RHOBTB1: variants seen among roughly 807,000 people sequenced by gnomAD.
RHOBTB1 encodes rho-related BTB domain-containing protein 1.
Under a neutral mutation model 71.6 loss-of-function variants are expected in RHOBTB1, and 40 were observed. That is an observed-to-expected ratio of 0.56 (90% confidence interval 0.43 to 0.73). The LOEUF (loss-of-function observed/expected upper bound fraction) is 0.73. Ranked by LOEUF, RHOBTB1 falls within the 30% of genes least tolerant of loss-of-function variation. RHOBTB1 has a pLI of 0.00. For synonymous variants in RHOBTB1, 319 were observed against 334.9 expected (o/e 0.95, Z 0.52); for missense variants, 797 against 894.0 (o/e 0.89, Z 1.38).
Position 60,871,516 on chromosome 10 carries a change from C to T in RHOBTB1, c.2057G>A (p.Trp686Ter), listed in dbSNP as rs2080777283. ...ALNKHRSRRK[W>*]CFWNSSPAVA is the part of the protein sequence containing the mutation. ...TGCTGGAGATGAATTCCAGAAGCAC[C>T]ACTTTCGTCTTGAGCGATGCTTATT... Residue 686 changes from tryptophan (W) to a stop codon, truncating the protein, a stop_gained, in exon 11 of 11, where the codon TGG becomes TAG. Transcript: ENST00000337910. LOFTEE classifies it high-confidence loss of function. 1 of 1,613,904 alleles carries T rather than the reference C, an allele frequency of 6.2e-7. No homozygotes were observed. The highest frequency in any genetic ancestry group is 8.5e-7 in the Non-Finnish European group (1 of 1,179,948).
At chr10:60,864,403 T>C in the RHOBTB1 span, among the ~76,000 whole-genome samples, 8 of 152,184 alleles carry the variant, frequency 5.3e-5, no homozygotes, top group Non-Finnish European at 1.2e-4. Flanking sequence ...ACTTACAGCA[T>C]TGATCCATCC....
intron 1 of RHOBTB1, among the ~76,000 whole-genome samples, chr10:60,992,683 C>T (rs931755070): frequency 1.3e-5 from 2 of 152,140 alleles, no homozygotes; most frequent in Admixed American, 6.5e-5. Context: ...GCCCCCAAAT[C>T]ATGAAACACA....
chr10:60,884,305 T>C (rs1189550368), intron 7 of RHOBTB1, among the ~76,000 whole-genome samples: 1 of 152,222 alleles, frequency 6.6e-6, no homozygotes, highest in Non-Finnish European at 1.5e-5. Context: ...GCTATTGTTT[T>C]TTGCATTTCT....
chr10:60,906,200 TGATTTGGGGAAAACATGCCAA>T (rs1431600855), intron 4 of RHOBTB1, among the ~76,000 whole-genome samples: 1 of 152,218 alleles, frequency 6.6e-6, no homozygotes, highest in African/African-American at 2.4e-5. Context: ...TTTTGTTAAA[TGATTTGGGGAAAACATGCCAA>T]GATTCCCATT....
At chr10:60,940,112 C>G (rs1003467374) in intron 2 of RHOBTB1, among the ~76,000 whole-genome samples, 1 of 152,094 alleles carries the variant, frequency 6.6e-6, no homozygotes, top group Non-Finnish European at 1.5e-5. Context: ...TACATAACAA[C>G]TTTTACAGGA....
chr10:60,943,598 C>T (rs1199714817), intron 1 of RHOBTB1, among the ~76,000 whole-genome samples: 2 of 152,232 alleles, frequency 1.3e-5, no homozygotes, highest in Non-Finnish European at 2.9e-5. Context: ...CGGTCCCCGC[C>T]CGGCCTCCCC....
chr10:60,971,943 C>T (rs2086172710), intron 2 of RHOBTB1, among the ~76,000 whole-genome samples: 1 of 152,110 alleles, frequency 6.6e-6, no homozygotes, highest in Non-Finnish European at 1.5e-5. Flanking sequence ...AAAAAAAGCT[C>T]ATCAACACTG....
At chr10:60,865,347 T>G (rs570218993), downstream of RHOBTB1, among the ~76,000 whole-genome samples, 26 of 152,212 alleles carry the variant, frequency 1.7e-4, no homozygotes, top group Non-Finnish European at 2.6e-4. Context: ...CCTGCTTTAT[T>G]AAGGTATAAT....
At chr10:60,886,887 T>C (rs1403366996) in intron 6 of RHOBTB1, among the ~76,000 whole-genome samples, 1 of 151,998 alleles carries the variant, frequency 6.6e-6, no homozygotes, top group Non-Finnish European at 1.5e-5. Context: ...GACTTTTTTT[T>C]TTTTACAGAT....
At chr10:60,969,134 T>C (rs889277967) in intron 2 of RHOBTB1, among the ~76,000 whole-genome samples, 4 of 152,106 alleles carry the variant, frequency 2.6e-5, no homozygotes, top group African/African-American at 9.6e-5. Flanking sequence ...AAAATTGAAG[T>C]TGAGATGGAA....
intron 2 of RHOBTB1, among the ~76,000 whole-genome samples, chr10:60,924,695 ATTC>A (rs2083768350): frequency 6.6e-6 from 1 of 152,218 alleles, no homozygotes; most frequent in Non-Finnish European, 1.5e-5. Flanking sequence ...CAGAATACAT[ATTC>A]TTCTCCTTAG....
intron 1 of RHOBTB1, among the ~76,000 whole-genome samples, chr10:60,986,699 C>G (rs920870564): frequency 6.6e-6 from 1 of 151,750 alleles, no homozygotes; most frequent in Admixed American, 6.6e-5. Context: ...TTTATGAGTA[C>G]GACTGACTAC....
rs941738048 is a variant in RHOBTB1, at chr10:60,959,626, C to T, written c.-61-17772G>A. On this transcript the variant is annotated intron_variant, in intron 2 of 11. Transcript: ENST00000357917. The stretch of plus-strand genomic sequence containing the variant: ...CTCAGTCCTACAGTGATGGCTCTGG[C>T]AATAAAACTAACAGGCAGGAGTCAG... Among the ~76,000 whole-genome samples, 46 of 152,124 alleles carry T rather than the reference C, an allele frequency of 3.0e-4. 1 individual carries two copies. The highest frequency in any genetic ancestry group is 1.0e-3 in the African/African-American group (42 of 41,426).
chr10:60,950,237 A>C (rs2085365888), intron 2 of RHOBTB1, among the ~76,000 whole-genome samples: 1 of 152,200 alleles, frequency 6.6e-6, no homozygotes, highest in Non-Finnish European at 1.5e-5. Context: ...TTAATGTATA[A>C]TGTGTATCTT....
rs146944898 is a variant in RHOBTB1 at position 60,875,757 on chromosome 10, C to T, written c.1727-715G>A. On this transcript the variant is annotated intron_variant, in intron 8 of 10. Transcript: ENST00000337910. ...CCTGCAGTTAGAAGTAACAAAAATGCAGTAGGAAGAGCCATTTTTGCTTGG... is the reference window on the plus strand; with the variant it reads ...CCTGCAGTTAGAAGTAACAAAAATGTAGTAGGAAGAGCCATTTTTGCTTGG... Among the ~76,000 whole-genome samples, 5 of 152,300 alleles carry T rather than the reference C, an allele frequency of 3.3e-5. No homozygotes were observed. In the East Asian group the frequency reaches 9.6e-4, roughly 29 times the overall value.
the RHOBTB1 span, among the ~76,000 whole-genome samples, chr10:60,864,143 G>A: frequency 2.6e-5 from 4 of 151,976 alleles, no homozygotes; most frequent in African/African-American, 4.8e-5. Context: ...CTTTCCAGTC[G>A]CCCCCTTCCT....
chr10:60,877,010 TTA>T (rs1157056069), intron 8 of RHOBTB1: 8 of 152,234 alleles, frequency 5.3e-5, no homozygotes, highest in African/African-American at 1.9e-4. Flanking sequence ...CAGGCACTGT[TTA>T]TCTCTACTTT....
At chr10:60,934,948 G>A (rs766008467) in intron 2 of RHOBTB1, among the ~76,000 whole-genome samples, 1 of 152,192 alleles carries the variant, frequency 6.6e-6, no homozygotes, top group Non-Finnish European at 1.5e-5. Context: ...ACATAGAGAG[G>A]AGGGGAAGAT....
At chr10:60,906,062 T>C (rs1179998002) in intron 4 of RHOBTB1, among the ~76,000 whole-genome samples, 1 of 152,198 alleles carries the variant, frequency 6.6e-6, no homozygotes, top group African/African-American at 2.4e-5. Context: ...TTACTTCTCA[T>C]AGGAACCAAC....
Sources: allele counts gnomAD v4.1 joint callset (sites outside exome capture counted in the v4.1 genomes callset), GRCh38; gene constraint gnomAD v4.1.1; transcripts MANE v1.5; gene names NCBI Gene and HGNC (gene_info 2026-07-23, HGNC 2026-07-21).